MIX23: variants seen among roughly 807,000 people sequenced by gnomAD.
MIX23 encodes mitochondrial matrix import factor 23.
A neutral mutation model predicts 21.6 loss-of-function variants in MIX23; 13 were observed. The ratio of observed to expected loss-of-function variants is 0.60; its 90% CI spans 0.39 to 0.96. MIX23 has a LOEUF of 0.96. Ranked by LOEUF, MIX23 falls within the 40% of genes least tolerant of loss-of-function variation. The probability of loss-of-function intolerance (pLI) is 0.00; values close to 1 mark genes in which losing one functional copy is unlikely to be tolerated. For synonymous variants in MIX23, 59 were observed against 58.0 expected, an observed-to-expected ratio of 1.02 and a Z score of -0.08; for missense variants, 144 against 171.2, an observed-to-expected ratio of 0.84 and a Z score of 0.89.
At chr3:122,363,895 G>A (rs2075377745) in intron 3 of MIX23, among the ~76,000 whole-genome samples, 1 of 152,174 alleles carries the variant, frequency 6.6e-6, no homozygotes, top group African/African-American at 2.4e-5. Flanking sequence ...GAAAAAGCTG[G>A]CTAGTTCCAG....
chr3:122,363,168 G>C lies in MIX23; in HGVS notation c.325-141C>G, dbSNP rs1576229557. Reference sequence around the variant, plus strand: ...TGCTCTAGTATTTTTGTCTGTTAATGGCAGAGTTTGGAAGCTTCTTTGACA... The same window carrying C: ...TGCTCTAGTATTTTTGTCTGTTAATCGCAGAGTTTGGAAGCTTCTTTGACA... On this transcript the variant is annotated intron_variant, in intron 3 of 4. Transcript: ENST00000291458. 8 of 640,102 alleles carry C rather than the reference G, an allele frequency of 1.2e-5. No individual in the cohort carries two copies. The South Asian group carries it at 1.4e-4, about 11-fold the overall frequency. 39.7% of individuals were successfully genotyped at this position (640,102 alleles called of 1,614,324 possible). A position where few individuals can be genotyped will look rare whatever the true frequency, so the allele number is the denominator to read the frequency against.
At chr3:122,374,496 A>T (rs1192755257) in intron 1 of MIX23, among the ~76,000 whole-genome samples, 1 of 152,242 alleles carries the variant, frequency 6.6e-6, no homozygotes, top group Non-Finnish European at 1.5e-5. Flanking sequence ...TATATCTAAT[A>T]CAATATAAAT....
intron 1 of MIX23, 62 bp from the exon 2 acceptor site, chr3:122,371,862 A>AT (rs2075444552): frequency 7.2e-7 from 1 of 1,386,474 alleles, no homozygotes; most frequent in Non-Finnish European, 9.9e-7. Flanking sequence ...AAAAATAAGC[A>AT]TTTAAGTAAA....
intron 4 of MIX23, among the ~76,000 whole-genome samples, chr3:122,362,026 T>G (rs951096476): frequency 1.3e-4 from 20 of 152,240 alleles, no homozygotes; most frequent in Admixed American, 1.2e-3. Flanking sequence ...GTAAATCTTT[T>G]AGAGTTTTAG....
At chr3:122,379,988 T>C (rs372062785) in intron 1 of MIX23, among the ~76,000 whole-genome samples, 17 of 152,330 alleles carry the variant, frequency 1.1e-4, no homozygotes, top group African/African-American at 3.8e-4. Flanking sequence ...AATTTAGGTA[T>C]TGAAGGAGTG....
At chr3:122,367,138 ATGAAGAGAAGGAGAGAGGGAGGG>A (rs1480349664) in intron 3 of MIX23, among the ~76,000 whole-genome samples, 5 of 151,910 alleles carry the variant, frequency 3.3e-5, no homozygotes, top group South Asian at 2.1e-4. Context: ...GCAGGGAAGG[ATGAAGAGAAGGAGAGAGGGAGGG>A]TGAAGAGAAG....
Position 122,359,903 on chromosome 3 carries a change from C to A in MIX23, c.401G>T (p.Cys134Phe). Reference protein sequence around the residue: ...DRSWKVFNERCRIHFKPPKNE With the variant: ...DRSWKVFNERFRIHFKPPKNE ...CTTTGGAGGCTTGAAGTGAATTCGG[C>A]AGCGTTCATTAAACACCTAAAATAT... The change falls in exon 5 of 5, where the codon TGC becomes TTC. Residue 134 changes from cysteine (C) to phenylalanine (F), a missense_variant. Transcript: ENST00000291458. The A allele has an allele frequency of 1.3e-6, 2 of 1,554,826 alleles. No homozygotes were observed. Among genetic ancestry groups the A allele is most frequent in the South Asian group, 1.2e-5 (1 of 83,266 alleles).
chr3:122,368,337 G>T lies in MIX23; in HGVS notation c.178-15C>A. The T allele has an allele frequency of 6.5e-7, 1 of 1,541,322 alleles. No individual in the cohort carries two copies. The highest frequency in any genetic ancestry group is 8.7e-7 in the Non-Finnish European group (1 of 1,154,570). On this transcript the variant is annotated splice_polypyrimidine_tract_variant and intron_variant, in intron 2 of 4. Coordinates refer to ENST00000291458, the MANE Select transcript of MIX23 (RefSeq NM_001017928.4). Reference sequence around the variant, plus strand: ...GCTGCCATCAACTAAAAGAACAAAGGAATGAAAGGAGAAAAAAAAACTGCA... The same window carrying T: ...GCTGCCATCAACTAAAAGAACAAAGTAATGAAAGGAGAAAAAAAAACTGCA...
At position 122,371,666 on chromosome 3, in the gene MIX23, T is replaced by C. The variant is rs370016700; in HGVS notation, c.177+9A>G. ...TGAAAGAAGCAAAAGACTCAAAAAATACACTTACAGACTCATAAAGTTGTT... is the reference window on the plus strand; with the variant it reads ...TGAAAGAAGCAAAAGACTCAAAAAACACACTTACAGACTCATAAAGTTGTT... On this transcript the variant is annotated intron_variant, in intron 2 of 4. Coordinates refer to ENST00000291458, the MANE Select transcript of MIX23 (RefSeq NM_001017928.4). 1.2e-6 allele frequency: 2 copies of C among 1,611,278 alleles called. No homozygotes were observed. The highest frequency in any genetic ancestry group is 1.7e-6 in the Non-Finnish European group (2 of 1,179,598).
intron 1 of MIX23, among the ~76,000 whole-genome samples, chr3:122,380,748 T>C (rs1232829039): frequency 1.3e-5 from 2 of 152,178 alleles, no homozygotes; most frequent in African/African-American, 4.8e-5. Context: ...ATTCAGAATA[T>C]AATAGCATAT....
chr3:122,362,330 A>G (rs200240856), intron 4 of MIX23, among the ~76,000 whole-genome samples: 1 of 152,326 alleles, frequency 6.6e-6, no homozygotes, highest in East Asian at 1.9e-4. Flanking sequence ...ATTTGAACAA[A>G]TAGCCTCCTT....
At chr3:122,361,714 G>A (rs1024736380) in intron 4 of MIX23, among the ~76,000 whole-genome samples, 1 of 151,998 alleles carries the variant, frequency 6.6e-6, no homozygotes. Flanking sequence ...TATTTTTCCA[G>A]AGAATATAAA....
At chr3:122,382,537 G>T (rs1185320904) in intron 1 of MIX23, among the ~76,000 whole-genome samples, 2 of 152,180 alleles carry the variant, frequency 1.3e-5, no homozygotes, top group East Asian at 3.8e-4. Context: ...GACTGAATTG[G>T]AACAGATAAC....
intron 1 of MIX23, 47 bp downstream of exon 1, chr3:122,383,127 G>A (rs1199863281): frequency 2.0e-5 from 33 of 1,610,304 alleles, no homozygotes; most frequent in Non-Finnish European, 2.8e-5. Flanking sequence ...ATAGGGTCTG[G>A]GGACAAAAGG....
At chr3:122,370,949 C>T (rs1416225998) in intron 2 of MIX23, among the ~76,000 whole-genome samples, 1 of 152,082 alleles carries the variant, frequency 6.6e-6, no homozygotes, top group Admixed American at 6.5e-5. Flanking sequence ...CTGAGAAAGG[C>T]AGTTTAGGTT....
intron 1 of MIX23, among the ~76,000 whole-genome samples, chr3:122,379,465 A>G (rs1309090647): frequency 2.6e-5 from 4 of 152,216 alleles, no homozygotes; most frequent in African/African-American, 9.6e-5. Flanking sequence ...GTTCTAGGCA[A>G]AAGTTCGGGC....
intron 1 of MIX23, among the ~76,000 whole-genome samples, chr3:122,373,841 A>G (rs1205728384): frequency 6.6e-6 from 1 of 152,188 alleles, no homozygotes; most frequent in East Asian, 1.9e-4. Flanking sequence ...AGCAAATATC[A>G]GGTCTAAAAC....
intron 1 of MIX23, among the ~76,000 whole-genome samples, chr3:122,378,825 A>G (rs1383184305): frequency 1.3e-5 from 2 of 152,240 alleles, no homozygotes; most frequent in Admixed American, 6.5e-5. Context: ...TGCCTTTAAC[A>G]TGGCAGACAT....
chr3:122,362,635 C>T (rs2075366051), intron 4 of MIX23, among the ~76,000 whole-genome samples: 1 of 151,966 alleles, frequency 6.6e-6, no homozygotes, highest in Admixed American at 6.6e-5. Flanking sequence ...GCTCATGCCA[C>T]CACGCTAATT....
Sources: gnomAD v4.1 joint callset for allele counts (sites outside exome capture counted in the v4.1 genomes callset) on GRCh38, gnomAD v4.1.1 for gene constraint, MANE v1.5 for transcripts, NCBI Gene and HGNC (gene_info 2026-07-23, HGNC 2026-07-21) for gene names.